Variants in NKAIN2 observed in about 807,000 individuals in gnomAD.
The protein encoded by NKAIN2 is sodium/potassium-transporting ATPase subunit beta-1-interacting protein 2.
In NKAIN2, 14 loss-of-function variants were observed where a neutral mutation model predicts 32.6. The observed-to-expected ratio is 0.43, with a 90% CI of 0.28 to 0.67. The LOEUF is 0.67. Among genes scored for constraint, NKAIN2 ranks in the 30% least tolerant of loss-of-function variants. NKAIN2 has a pLI of 0.17. For synonymous variants in NKAIN2, 80 were observed against 87.2 expected (o/e 0.92, Z 0.46); for missense variants, 198 against 258.3 (o/e 0.77, Z 1.60).
At chr6:124,625,923 A>C (rs919957683) in intron 3 of NKAIN2, among the ~76,000 whole-genome samples, 7 of 151,710 alleles carry the variant, frequency 4.6e-5, no homozygotes, top group African/African-American at 1.5e-4. Context: ...AAAAATTATG[A>C]CCAGTTTTTG....
intron 1 of NKAIN2, among the ~76,000 whole-genome samples, chr6:123,811,099 G>T (rs1773444607): frequency 6.6e-6 from 1 of 152,150 alleles, no homozygotes; most frequent in South Asian, 2.1e-4. Context: ...TGTTACAAGA[G>T]AAAGTGAACC....
intron 3 of NKAIN2, among the ~76,000 whole-genome samples, chr6:124,571,974 T>C (rs965429302): frequency 6.6e-6 from 1 of 152,196 alleles, no homozygotes; most frequent in Non-Finnish European, 1.5e-5. Context: ...CCCTTCCAAT[T>C]TGGCTTTTGT....
chr6:123,957,378 T>TATC (rs1218348638), intron 1 of NKAIN2, among the ~76,000 whole-genome samples: 11 of 152,336 alleles, frequency 7.2e-5, no homozygotes, highest in Admixed American at 7.2e-4. Flanking sequence ...TTTATTTTTG[T>TATC]ATCATCAGCA....
At chr6:123,915,806 C>T (rs1775465817) in intron 1 of NKAIN2, among the ~76,000 whole-genome samples, 1 of 152,192 alleles carries the variant, frequency 6.6e-6, no homozygotes, top group Admixed American at 6.5e-5. Context: ...TTCACATTTT[C>T]CTAAATGTTT....
intron 2 of NKAIN2, among the ~76,000 whole-genome samples, chr6:124,344,087 G>T (rs1024539477): frequency 2.0e-5 from 3 of 152,072 alleles, no homozygotes; most frequent in Admixed American, 2.0e-4. Flanking sequence ...ATTAAATAGG[G>T]AATCCTTTCC....
intron 3 of NKAIN2, among the ~76,000 whole-genome samples, chr6:124,597,726 A>G (rs1198098330): frequency 2.0e-5 from 3 of 152,166 alleles, no homozygotes; most frequent in Non-Finnish European, 4.4e-5. Context: ...TTCAGAGGAA[A>G]ATTATAGAAT....
intron 1 of NKAIN2, among the ~76,000 whole-genome samples, chr6:123,963,882 AC>A (rs1777962622): frequency 6.6e-6 from 1 of 152,178 alleles, no homozygotes; most frequent in Non-Finnish European, 1.5e-5. Context: ...TGTGGTCGCT[AC>A]AATTTATGGT....
chr6:124,285,249 C>T (rs1795483577), intron 2 of NKAIN2, among the ~76,000 whole-genome samples: 1 of 152,126 alleles, frequency 6.6e-6, no homozygotes, highest in South Asian at 2.1e-4. Flanking sequence ...TCCAACTCAG[C>T]AAGTCCTGGG....
chr6:123,805,522 G>C (rs1773179088), intron 1 of NKAIN2, among the ~76,000 whole-genome samples: 1 of 152,092 alleles, frequency 6.6e-6, no homozygotes, highest in African/African-American at 2.4e-5. Context: ...TGATTTATGC[G>C]CTTATGCACT....
chr6:124,185,902 T>C (rs1354070692), intron 1 of NKAIN2, among the ~76,000 whole-genome samples: 2 of 152,004 alleles, frequency 1.3e-5, no homozygotes, highest in African/African-American at 4.8e-5. Flanking sequence ...CATTTCCCCT[T>C]TGAATATAAT....
intron 3 of NKAIN2, among the ~76,000 whole-genome samples, chr6:124,478,062 T>C (rs983741295): frequency 3.3e-5 from 5 of 151,876 alleles, no homozygotes; most frequent in Admixed American, 6.6e-5. Context: ...TCTGCTAATA[T>C]TGGTGAAAGG....
chr6:124,076,511 G>C (rs1182998836), intron 1 of NKAIN2, among the ~76,000 whole-genome samples: 1 of 152,186 alleles, frequency 6.6e-6, no homozygotes, highest in Non-Finnish European at 1.5e-5. Context: ...ATAAGAGAAA[G>C]TCAAGAGCTG....
intron 3 of NKAIN2, among the ~76,000 whole-genome samples, chr6:124,507,425 G>C (rs1324277893): frequency 1.3e-5 from 2 of 151,994 alleles, no homozygotes; most frequent in African/African-American, 4.8e-5. Flanking sequence ...CCATCAGTAT[G>C]GGAAAATTTT....
chr6:124,658,307 G>A lies in NKAIN2; in HGVS notation c.395G>A (p.Arg132His), dbSNP rs367696113. The A allele has an allele frequency of 5.0e-6, 8 of 1,613,956 alleles. No individual in the cohort carries two copies. The highest frequency in any genetic ancestry group is 3.3e-5 in the Admixed American group (2 of 59,984). Residue 132 changes from arginine to histidine, a missense_variant, in exon 4 of 7, where the codon CGC (arginine) becomes CAC (histidine). By Grantham distance (29) the Arg-to-His change is conservative. Transcript: ENST00000368417. ...CCAGACTGGGCCCCAGAAGACCATC[G>A]CTACATCACGGTCTCAGGGTGTTTG... Reference protein sequence around the residue: ...PAPDWAPEDHRYITVSGCLLE... With the variant: ...PAPDWAPEDHHYITVSGCLLE...
intron 1 of NKAIN2, among the ~76,000 whole-genome samples, chr6:123,916,954 A>G (rs1009912961): frequency 6.6e-6 from 1 of 152,152 alleles, no homozygotes; most frequent in Non-Finnish European, 1.5e-5. Context: ...TTAAGACCTG[A>G]TGTCAATGTC....
chr6:124,593,538 G>A (rs1017777393), intron 3 of NKAIN2, among the ~76,000 whole-genome samples: 1 of 152,096 alleles, frequency 6.6e-6, no homozygotes, highest in African/African-American at 2.4e-5. Flanking sequence ...TGCTGAAAGA[G>A]GAAGCGATAC....
At chr6:124,700,152 A>G (rs1056339856) in intron 4 of NKAIN2, among the ~76,000 whole-genome samples, 4 of 152,156 alleles carry the variant, frequency 2.6e-5, no homozygotes, top group African/African-American at 9.7e-5. Flanking sequence ...ATTCAGAACA[A>G]CCTGCTTAAG....
Position 124,006,090 on chromosome 6 carries a change from T to C in NKAIN2, c.54+201836T>C, listed in dbSNP as rs541743823. Among the ~76,000 whole-genome samples, 14 of 152,320 alleles carry C rather than the reference T, an allele frequency of 9.2e-5. No homozygotes were observed. The South Asian group carries it at 2.1e-3, about 23-fold the overall frequency. On this transcript the variant is annotated intron_variant, in intron 1 of 6. Transcript: ENST00000368417. ...TTGCTTTAAACAGTACTTATGTCTA[T>C]ATACCATAAAAGCCTCACCGTGTTT...
intron 2 of NKAIN2, among the ~76,000 whole-genome samples, chr6:124,351,119 T>C (rs1005313843): frequency 1.3e-5 from 2 of 152,236 alleles, no homozygotes; most frequent in East Asian, 3.8e-4. Flanking sequence ...AAATGAAGGT[T>C]GGTTTCATGA....
Sources: gnomAD v4.1 joint callset for allele counts (sites outside exome capture counted in the v4.1 genomes callset) on GRCh38, gnomAD v4.1.1 for gene constraint, MANE v1.5 for transcripts, NCBI Gene and HGNC (gene_info 2026-07-23, HGNC 2026-07-21) for gene names.